TENM3: variants seen among roughly 807,000 people sequenced by gnomAD.
The protein encoded by TENM3 is teneurin transmembrane protein 3.
Under a neutral mutation model 255.1 loss-of-function variants are expected in TENM3, and 63 were observed. The ratio of observed to expected loss-of-function variants is 0.25; its 90% CI spans 0.20 to 0.30. TENM3 has a LOEUF of 0.30. Ranked by LOEUF, TENM3 falls within the 10% of genes least tolerant of loss-of-function variation. The probability of loss-of-function intolerance (pLI) is 1.00; values close to 1 mark genes in which losing one functional copy is unlikely to be tolerated. For missense variants in TENM3, 2,929 were observed against 3,461.1 expected, an observed-to-expected ratio of 0.85 and a Z score of 3.86; for synonymous variants, 1,306 against 1,322.3, an observed-to-expected ratio of 0.99 and a Z score of 0.27.
the TENM3 span, among the ~76,000 whole-genome samples, chr4:181,996,652 G>A: frequency 1.6e-4 from 24 of 152,264 alleles, no homozygotes; most frequent in African/African-American, 4.6e-4. Context: ...CAGGGACACC[G>A]TTTAGAAGGT....
chr4:182,404,199 C>T (rs535617315), intron 3 of TENM3, among the ~76,000 whole-genome samples: 1 of 152,248 alleles, frequency 6.6e-6, no homozygotes, highest in African/African-American at 2.4e-5. Context: ...TTACTTTCTC[C>T]AGTGCAGTAG....
chr4:182,470,580 G>T (rs1733023496), intron 3 of TENM3, among the ~76,000 whole-genome samples: 1 of 152,030 alleles, frequency 6.6e-6, no homozygotes, highest in African/African-American at 2.4e-5. Context: ...AAGAGAAAAG[G>T]GTCATATCCT....
intron 22 of TENM3, among the ~76,000 whole-genome samples, chr4:182,759,055 C>T (rs1762938666): frequency 6.6e-6 from 1 of 152,182 alleles, no homozygotes; most frequent in Admixed American, 6.5e-5. Context: ...TAAAAATACA[C>T]TTGTCATAGT....
At chr4:181,939,320 T>C in the TENM3 span, among the ~76,000 whole-genome samples, 3 of 152,166 alleles carry the variant, frequency 2.0e-5, no homozygotes, top group Non-Finnish European at 4.4e-5. Context: ...GCCACTTGAG[T>C]GTGCTCTAGA....
the TENM3 span, among the ~76,000 whole-genome samples, chr4:181,884,522 A>G: frequency 8.5e-5 from 13 of 152,080 alleles, no homozygotes; most frequent in Non-Finnish European, 1.5e-4. Flanking sequence ...GAATTTCTCT[A>G]TTCTGTGTAC....
At chr4:182,246,981 C>G (rs1018570512) in intron 1 of TENM3, among the ~76,000 whole-genome samples, 1 of 152,162 alleles carries the variant, frequency 6.6e-6, no homozygotes, top group African/African-American at 2.4e-5. Context: ...AGGCGATGCC[C>G]ACATCGAAGC....
chr4:182,589,889 G>A (rs960529476), intron 3 of TENM3, among the ~76,000 whole-genome samples: 9 of 151,984 alleles, frequency 5.9e-5, no homozygotes, highest in Admixed American at 2.6e-4. Flanking sequence ...CAGGAGAATC[G>A]CTTGTACCCG....
chr4:182,459,697 G>GA lies in TENM3; in HGVS notation c.511+112777dup, dbSNP rs557962538. Among the ~76,000 whole-genome samples, 225 of 150,092 alleles carry GA rather than the reference G, an allele frequency of 1.5e-3. 1 individual carries two copies. The East Asian group carries it at 0.024, about 16-fold the overall frequency. On this transcript the variant is annotated intron_variant, in intron 3 of 27. Transcript: ENST00000511685. ...CAAAGTACAAAGTCTTTCAAAAATT[G>GA]AAAAAAAAATTATTTGCTTTCATGC...
rs1735249992 is a variant in TENM3 at position 182,491,038 on chromosome 4, TTTAAA to T, written c.512-109882_512-109878del. On this transcript the variant is annotated intron_variant, in intron 3 of 27. Transcript: ENST00000511685. ...CAGAACACTGTAGCAAATCAAGAAC[TTTAAA>T]TTATTTTCCTGAACTCAGTTTTGAG... 2.0e-5 allele frequency among the ~76,000 whole-genome samples: 3 copies of T among 152,210 alleles called. No homozygotes were observed. In the South Asian group the frequency reaches 6.2e-4, roughly 32 times the overall value.
chr4:181,998,110 TAA>T, the TENM3 span, among the ~76,000 whole-genome samples: 1 of 152,220 alleles, frequency 6.6e-6, no homozygotes, highest in South Asian at 2.1e-4. Context: ...TTGTGAGATA[TAA>T]TGAGTTTTCT....
At chr4:182,212,438 T>A (rs1755113229) in intron 1 of TENM3, among the ~76,000 whole-genome samples, 1 of 152,166 alleles carries the variant, frequency 6.6e-6, no homozygotes, top group Non-Finnish European at 1.5e-5. Flanking sequence ...GTTGGCCACC[T>A]CTGCTGAAGT....
At chr4:182,165,722 A>C (rs911233094) in intron 1 of TENM3, among the ~76,000 whole-genome samples, 4 of 152,196 alleles carry the variant, frequency 2.6e-5, no homozygotes, top group African/African-American at 7.2e-5. Flanking sequence ...TAAAATGCAC[A>C]CTGAGTGACT....
intron 1 of TENM3, among the ~76,000 whole-genome samples, chr4:182,308,603 G>T (rs938785086): frequency 6.6e-6 from 1 of 152,272 alleles, no homozygotes; most frequent in Non-Finnish European, 1.5e-5. Flanking sequence ...GCCTCCTAAT[G>T]TGCTGTGATT....
the TENM3 span, among the ~76,000 whole-genome samples, chr4:181,654,075 C>T: frequency 6.6e-6 from 1 of 151,950 alleles, no homozygotes; most frequent in South Asian, 2.1e-4. Flanking sequence ...CTGCCACCCT[C>T]TTTCAATCTC....
the TENM3 span, among the ~76,000 whole-genome samples, chr4:181,763,355 T>C: frequency 6.6e-6 from 1 of 152,196 alleles, no homozygotes; most frequent in South Asian, 2.1e-4. Flanking sequence ...GTCAACATCA[T>C]ATTTATCAAA....
intron 1 of TENM3, among the ~76,000 whole-genome samples, chr4:182,267,748 T>C (rs1290885682): frequency 6.6e-6 from 1 of 151,314 alleles, no homozygotes; most frequent in East Asian, 1.9e-4. Flanking sequence ...TGAAAAATAA[T>C]TATTTCTTGC....
chr4:182,222,643 T>C (rs1386054284), intron 1 of TENM3, among the ~76,000 whole-genome samples: 1 of 152,242 alleles, frequency 6.6e-6, no homozygotes. Context: ...TCGTGCATCA[T>C]CATAAGCTGG....
chr4:181,765,749 C>T, the TENM3 span, among the ~76,000 whole-genome samples: 1 of 152,124 alleles, frequency 6.6e-6, no homozygotes, highest in Non-Finnish European at 1.5e-5. Flanking sequence ...GATTAAACCC[C>T]CATCATCACC....
the TENM3 span, among the ~76,000 whole-genome samples, chr4:181,732,718 ACT>A: frequency 6.8e-6 from 1 of 146,638 alleles, no homozygotes; most frequent in South Asian, 2.2e-4. Flanking sequence ...TAATTGAAGG[ACT>A]CTCTCTTCGA....
Sources: allele counts gnomAD v4.1 joint callset (sites outside exome capture counted in the v4.1 genomes callset), GRCh38; gene constraint gnomAD v4.1.1; transcripts MANE v1.5; gene names NCBI Gene and HGNC (gene_info 2026-07-23, HGNC 2026-07-21).